Variants in MYG1 observed in about 807,000 individuals in gnomAD.
MYG1 encodes MYG1 exonuclease.
In MYG1, 36 loss-of-function variants were observed where a neutral mutation model predicts 43.5. The ratio of observed to expected loss-of-function variants is 0.83; its 90% confidence interval spans 0.63 to 1.09. The LOEUF is 1.09. MYG1 is among the 50% of genes least tolerant of loss of function. The pLI is 0.00. For missense variants in MYG1, 529 were observed against 495.1 expected, an observed-to-expected ratio of 1.07 and a Z score of -0.65; for synonymous variants, 220 against 202.8, an observed-to-expected ratio of 1.08 and a Z score of -0.72.
chr12:53,306,802 C>T lies in MYG1; in HGVS notation c.888C>T (p.Asp296=), dbSNP rs146203587. The T allele has an allele frequency of 6.2e-7, 1 of 1,614,096 alleles. No individual in the cohort carries two copies. The highest frequency in any genetic ancestry group is 8.5e-7 in the Non-Finnish European group (1 of 1,180,040). Residue 296 remains aspartate (D), a synonymous_variant, in exon 6 of 7, where the codon GAC becomes GAT. Coordinates refer to ENST00000267103, the MANE Select transcript of MYG1 (RefSeq NM_021640.4). ...PVAIFFVIYT[D]QAGQWRIQCV... ...CCATCTTCTTTGTTATCTACACTGACCAGGCTGGACAGTGGCGAATACAGT... is the reference window on the plus strand; with the variant it reads ...CCATCTTCTTTGTTATCTACACTGATCAGGCTGGACAGTGGCGAATACAGT...
At chr12:53,304,045 G>A (rs1409488492) in intron 3 of MYG1, among the ~76,000 whole-genome samples, 2 of 151,950 alleles carry the variant, frequency 1.3e-5, no homozygotes, top group African/African-American at 4.8e-5. Flanking sequence ...GGGTTTCACC[G>A]TGTTAGCCAG....
At chr12:53,305,713 AT>A (rs1488877169) in intron 3 of MYG1, 194 bp from the exon 4 acceptor site, 7 of 616,022 alleles carry the variant, frequency 1.1e-5, no homozygotes, top group African/African-American at 1.1e-4. Flanking sequence ...GGTGATCTGA[AT>A]TCCAGTCACA....
In MYG1 at chr12:53,300,177, CCCGAAAAA is replaced by C. The variant is rs1460244441; in HGVS notation, c.246_253del (p.Glu83ArgfsTer4). On this transcript the variant is annotated frameshift_variant, in exon 2 of 7. Coordinates refer to ENST00000267103, the MANE Select transcript of MYG1 (RefSeq NM_021640.4). LOFTEE classifies it high-confidence loss of function. Reference sequence around the variant, plus strand: ...TGCAGAGATTGTGCGGACCCGGGATCCCGAAAAACTCGCTTCCTGTGACATCGTGGTGG... The same window carrying C: ...TGCAGAGATTGTGCGGACCCGGGATCCTCGCTTCCTGTGACATCGTGGTGG... The C allele has an allele frequency of 2.5e-6, 4 of 1,605,452 alleles. No individual in the cohort carries two copies. Among genetic ancestry groups the C allele is most frequent in the Non-Finnish European group, 2.6e-6 (3 of 1,175,338 alleles).
Position 53,299,890 on chromosome 12 carries a change from T to C in MYG1, c.153T>C (p.Asn51=), listed in dbSNP as rs756486053. 5 of 1,614,030 alleles carry C rather than the reference T, an allele frequency of 3.1e-6. No individual in the cohort carries two copies. The Admixed American group carries it at 8.3e-5, about 27-fold the overall frequency. ...LMAPPRIGTH[N]GTFHCDEALA... is the part of the protein sequence containing the mutation. ...CACCGCCCCGAATCGGGACGCACAA[T>C]GGCACCTTCCACTGCGACGAGGCAC... The change falls in exon 1 of 7, where the codon AAT becomes AAC. Residue 51 remains asparagine (N), a synonymous_variant. Transcript: ENST00000267103.
In MYG1 at chr12:53,306,007, G is replaced by A. The variant is rs774077592; in HGVS notation, c.589G>A (p.Ala197Thr). 4 of 1,614,012 alleles carry A rather than the reference G, an allele frequency of 2.5e-6. No individual in the cohort carries two copies. The African/African-American group carries it at 5.3e-5, about 22-fold the overall frequency. ...ATATGCACTGACCACTACCCTGAGT[G>A]CACGAGTTGCTCGACTTAATCCTAC... ...PRYALTTTLS[A>T]RVARLNPTWN... The change falls in exon 4 of 7, where the codon GCA becomes ACA. Residue 197 changes from alanine to threonine, a missense_variant. Transcript: ENST00000267103.
At chr12:53,306,640 G>A (rs1262970042) in intron 5 of MYG1, 40 bp from the exon 6 acceptor site, 1 of 1,580,580 alleles carries the variant, frequency 6.3e-7, no homozygotes, top group Non-Finnish European at 8.6e-7. Context: ...ACCATGCCCA[G>A]CCTACCTTAA....
Position 53,306,877 on chromosome 12 carries a change from A to T in MYG1, c.947+16A>T, listed in dbSNP as rs750207325. On this transcript the variant is annotated intron_variant, in intron 6 of 6. Coordinates refer to ENST00000267103, the MANE Select transcript of MYG1 (RefSeq NM_021640.4). ...TCCAAAGCCGGTGAGGCCCTAGGGA[A>T]CCACTCTGCAGACCTTCAGGCTTGT... The T allele has an allele frequency of 1.2e-6, 2 of 1,610,446 alleles. No homozygotes were observed. Among genetic ancestry groups the T allele is most frequent in the African/African-American group, 1.3e-5 (1 of 74,870 alleles).
chr12:53,303,316 C>T, intron 3 of MYG1, 123 bp downstream of exon 3: 2 of 1,009,048 alleles, frequency 2.0e-6, no homozygotes, highest in South Asian at 1.7e-5. Flanking sequence ...GCAGGCCCAA[C>T]ACTCATCCTC....
Position 53,303,097 on chromosome 12 carries a change from T to C in MYG1, c.393T>C (p.Ser131=), listed in dbSNP as rs199663713. 1.2e-6 allele frequency: 2 copies of C among 1,614,096 alleles called. No individual in the cohort carries two copies. Among genetic ancestry groups the C allele is most frequent in the Non-Finnish European group, 1.7e-6 (2 of 1,180,016 alleles). The change falls in exon 3 of 7, where the codon AGT becomes AGC. Residue 131 remains serine (S), a synonymous_variant. Coordinates refer to ENST00000267103, the MANE Select transcript of MYG1 (RefSeq NM_021640.4). Reference sequence around the variant, plus strand: ...AGCCGTGGCAGACCAAGCTGAGCAGTGCGGGACTCATCTATCTGCACTTCG... The same window carrying C: ...AGCCGTGGCAGACCAAGCTGAGCAGCGCGGGACTCATCTATCTGCACTTCG... The part of the protein sequence containing the change: ...PGKPWQTKLS[S]AGLIYLHFGH...
chr12:53,307,166 ATC>A lies in MYG1; in HGVS notation c.*20_*21del, dbSNP rs757673319. ...ATCTCCTAGTCTAATAAAACCTTCCATCTCATACTGACCCAGTCCTTGACTTA... is the reference window on the plus strand; with the variant it reads ...ATCTCCTAGTCTAATAAAACCTTCCATCATACTGACCCAGTCCTTGACTTA... On this transcript the variant is annotated 3_prime_UTR_variant, in exon 7 of 7. Coordinates refer to ENST00000267103, the MANE Select transcript of MYG1 (RefSeq NM_021640.4). 6.3e-7 allele frequency: 1 copy of A among 1,592,434 alleles called. No individual in the cohort carries two copies. The highest frequency in any genetic ancestry group is 1.3e-5 in the African/African-American group (1 of 74,476).
chr12:53,300,030 C>T, intron 1 of MYG1, 77 bp downstream of exon 1: 1 of 1,575,224 alleles, frequency 6.3e-7, no homozygotes, highest in Non-Finnish European at 8.7e-7. Context: ...CCAACAGGGT[C>T]ACTCCGATAG....
intron 2 of MYG1, among the ~76,000 whole-genome samples, 172 bp from the exon 3 acceptor site, chr12:53,302,862 G>A (rs541691705): frequency 3.9e-5 from 6 of 152,066 alleles, no homozygotes; most frequent in African/African-American, 1.4e-4. Context: ...TGTGTTTGTC[G>A]GCCTCCGGCA....
In MYG1 at chr12:53,303,075, C is replaced by T. The variant is rs756805224; in HGVS notation, c.371C>T (p.Pro124Leu). The change falls in exon 3 of 7, where the codon CCG (proline) becomes CTG (leucine). Residue 124 changes from proline (P) to leucine (L), a missense_variant. By Grantham distance (98) the Pro-to-Leu change is moderately conservative. Coordinates refer to ENST00000267103, the MANE Select transcript of MYG1 (RefSeq NM_021640.4). ...ATGAGCTCCCTGTCCCCTGGGAAGC[C>T]GTGGCAGACCAAGCTGAGCAGTGCG... ...ETMSSLSPGK[P>L]WQTKLSSAGL... 1.5e-5 allele frequency: 24 copies of T among 1,613,748 alleles called. No homozygotes were observed. The highest frequency in any genetic ancestry group is 8.3e-5 in the Admixed American group (5 of 59,954).
At chr12:53,305,624 A>G in intron 3 of MYG1, 1 of 268,508 alleles carries the variant, frequency 3.7e-6, no homozygotes, top group East Asian at 8.2e-5. Context: ...TCCTTGTTCA[A>G]AAGTTAGCAG....
chr12:53,306,652 C>G (rs759223252), intron 5 of MYG1, 28 bp from the exon 6 acceptor site: 22 of 1,599,086 alleles, frequency 1.4e-5, no homozygotes, highest in Non-Finnish European at 1.7e-5. Flanking sequence ...CTACCTTAAA[C>G]CTTCTAGCTA....
At position 53,299,855 on chromosome 12, in the gene MYG1, A is replaced by G; in HGVS notation, c.118A>G (p.Lys40Glu). 1 of 1,614,158 alleles carries G rather than the reference A, an allele frequency of 6.2e-7. No homozygotes were observed. The highest frequency in any genetic ancestry group is 8.5e-7 in the Non-Finnish European group (1 of 1,180,012). The change falls in exon 1 of 7, where the codon AAA (lysine) becomes GAA (glutamate). Residue 40 changes from lysine to glutamate, a missense_variant. Coordinates refer to ENST00000267103, the MANE Select transcript of MYG1 (RefSeq NM_021640.4). ...SVPPPKRSRSKLMAPPRIGTH... is the reference protein window; with the variant it reads ...SVPPPKRSRSELMAPPRIGTH... ...CCCGCCCCCAAAACGATCCCGCAGCAAACTCATGGCACCGCCCCGAATCGG... is the reference window on the plus strand; with the variant it reads ...CCCGCCCCCAAAACGATCCCGCAGCGAACTCATGGCACCGCCCCGAATCGG...
At chr12:53,301,465 T>G (rs1287264280) in intron 2 of MYG1, among the ~76,000 whole-genome samples, 1 of 152,170 alleles carries the variant, frequency 6.6e-6, no homozygotes, top group Non-Finnish European at 1.5e-5. Flanking sequence ...ACCCTCCCAA[T>G]ATTTACAGCC....
Position 53,303,042 on chromosome 12 carries a change from C to T in MYG1, c.338C>T (p.Thr113Ile). 6.2e-7 allele frequency: 1 copy of T among 1,610,998 alleles called. No homozygotes were observed. Among genetic ancestry groups the T allele is most frequent in the Non-Finnish European group, 8.5e-7 (1 of 1,177,988 alleles). The change falls in exon 3 of 7, where the codon ACA becomes ATA. Residue 113 changes from threonine (T) to isoleucine (I), a missense_variant. Thr to Ile is a moderately conservative substitution (Grantham distance 89, BLOSUM62 -1). Transcript: ENST00000267103. ...CTCCCTATGCTCCTCAGGTCTTTCA[C>T]AGAGACCATGAGCTCCCTGTCCCCT... ...HRYDHHQRSF[T>I]ETMSSLSPGK...
rs547790736 is a variant in MYG1, at chr12:53,299,716, G to T, written c.-22G>T. ...CTTCCTCTTCCGGGTCGGCGCTCCT[G>T]CCTCCCTGCAGGGAGCTGCTTATGG... On this transcript the variant is annotated 5_prime_UTR_variant, in exon 1 of 7. Coordinates refer to ENST00000267103, the MANE Select transcript of MYG1 (RefSeq NM_021640.4). 25 of 1,595,392 alleles carry T rather than the reference G, an allele frequency of 1.6e-5. No homozygotes were observed. In the East Asian group the frequency reaches 1.6e-4, roughly 10 times the overall value.
Sources: allele counts gnomAD v4.1 joint callset (sites outside exome capture counted in the v4.1 genomes callset), GRCh38; gene constraint gnomAD v4.1.1; transcripts MANE v1.5; gene names NCBI Gene and HGNC (gene_info 2026-07-23, HGNC 2026-07-21).